CTNNA3: variants seen among roughly 807,000 people sequenced by gnomAD.
CTNNA3 encodes catenin alpha 3, also known as catenin alpha-3.
Under a neutral mutation model 95.7 loss-of-function variants are expected in CTNNA3, and 76 were observed. The observed-to-expected ratio is 0.79, with a 90% CI of 0.66 to 0.96. The LOEUF (loss-of-function observed/expected upper bound fraction) is 0.96. Among genes scored for constraint, CTNNA3 ranks in the 40% least tolerant of loss-of-function variants. The probability of loss-of-function intolerance (pLI) is 0.00; values close to 1 mark genes in which losing one functional copy is unlikely to be tolerated. For synonymous variants in CTNNA3, 431 were observed against 374.4 expected, an observed-to-expected ratio of 1.15 and a Z score of -1.74; for missense variants, 1,191 against 1,089.8, an observed-to-expected ratio of 1.09 and a Z score of -1.31.
At chr10:66,810,777 T>C (rs540915567) in intron 7 of CTNNA3, among the ~76,000 whole-genome samples, 2 of 152,286 alleles carry the variant, frequency 1.3e-5, no homozygotes, top group East Asian at 3.9e-4. Flanking sequence ...GCCCATGACC[T>C]CCATCCCATA....
chr10:66,442,663 A>T (rs1044571120), intron 11 of CTNNA3, among the ~76,000 whole-genome samples: 2 of 152,158 alleles, frequency 1.3e-5, no homozygotes, highest in Admixed American at 1.3e-4. Context: ...GACAACTAAA[A>T]TTAAACTTGT....
At chr10:66,415,015 A>G (rs7088844) in intron 11 of CTNNA3, among the ~76,000 whole-genome samples, 52,478 of 151,914 alleles carry the variant, frequency 0.35, 9,807 homozygotes, top group African/African-American at 0.48. Context: ...CATGCTCCCC[A>G]CCTGCTGTCC....
intron 1 of CTNNA3, among the ~76,000 whole-genome samples, chr10:67,749,095 GAACT>G (rs1385455483): frequency 6.6e-6 from 1 of 152,098 alleles, no homozygotes; most frequent in Admixed American, 6.6e-5. Flanking sequence ...TCAGTGAGAA[GAACT>G]AACAATTCTA....
chr10:66,536,094 T>G (rs140185948), intron 10 of CTNNA3, among the ~76,000 whole-genome samples: 1 of 150,626 alleles, frequency 6.6e-6, no homozygotes, highest in Non-Finnish European at 1.5e-5. Flanking sequence ...AGATTGTTGT[T>G]GAAACAGGGT....
chr10:67,378,972 TTTCAA>T (rs2132724583), intron 5 of CTNNA3, among the ~76,000 whole-genome samples: 1 of 152,296 alleles, frequency 6.6e-6, no homozygotes, highest in Non-Finnish European at 1.5e-5. Flanking sequence ...CATTTGTCAT[TTTCAA>T]TTGTCGTTTG....
At chr10:66,324,665 C>A (rs1417322871) in intron 12 of CTNNA3, among the ~76,000 whole-genome samples, 1 of 152,090 alleles carries the variant, frequency 6.6e-6, no homozygotes, top group Non-Finnish European at 1.5e-5. Context: ...AACAAGTGAG[C>A]CACAAACCTG....
chr10:66,805,219 C>A lies in CTNNA3; in HGVS notation c.1048-29695G>T, dbSNP rs140498603. Among the ~76,000 whole-genome samples the A allele has an allele frequency of 4.6e-4, 70 of 151,972 alleles. 1 individual carries two copies. Among genetic ancestry groups the A allele is most frequent in the African/African-American group, 1.6e-3 (65 of 41,486 alleles). On this transcript the variant is annotated intron_variant, in intron 7 of 17. Coordinates refer to ENST00000433211, the MANE Select transcript of CTNNA3 (RefSeq NM_013266.4). The stretch of plus-strand genomic sequence containing the variant: ...TAATCTTTGTCACTTTCATCTTTTC[C>A]CTTTGCTGAGTTTGCTTTGTGTCTC...
chr10:66,281,986 T>G (rs1332424683), intron 12 of CTNNA3, among the ~76,000 whole-genome samples: 1 of 151,888 alleles, frequency 6.6e-6, no homozygotes, highest in African/African-American at 2.4e-5. Context: ...TTAAATTCAT[T>G]AGCCTCAAAT....
rs572394209 is a variant in CTNNA3 at position 67,469,654 on chromosome 10, A to G, written c.579+52188T>C. Among the ~76,000 whole-genome samples the G allele has an allele frequency of 2.0e-4, 31 of 152,232 alleles. No homozygotes were observed. The East Asian group carries it at 6.0e-3, about 29-fold the overall frequency. On this transcript the variant is annotated intron_variant, in intron 5 of 17. Transcript: ENST00000433211. Reference sequence around the variant, plus strand: ...GTGATAGCATTAGGAGAAATACCTAATGTCAATGATGGGTTGATGGGTGCA... The same window carrying G: ...GTGATAGCATTAGGAGAAATACCTAGTGTCAATGATGGGTTGATGGGTGCA...
At chr10:66,520,245 CTTTTTTTTTTTTT>C (rs543882241) in intron 11 of CTNNA3, among the ~76,000 whole-genome samples, 1 of 78,012 alleles carries the variant, frequency 1.3e-5, no homozygotes, top group Non-Finnish European at 2.3e-5. Context: ...TAGTATTATT[CTTTTTTTTTTTTT>C]TTTTTTTTTT....
intron 7 of CTNNA3, among the ~76,000 whole-genome samples, chr10:67,036,094 AC>A (rs1417231102): frequency 2.0e-5 from 3 of 152,150 alleles, no homozygotes; most frequent in Non-Finnish European, 4.4e-5. Context: ...GAGATATTAG[AC>A]CTTAGTAGAG....
At chr10:66,379,418 T>A in intron 11 of CTNNA3, 66 bp from the exon 12 acceptor site, 7 of 1,272,916 alleles carry the variant, frequency 5.5e-6, no homozygotes, top group Non-Finnish European at 6.8e-6. Context: ...AAATCTAGCA[T>A]ATTATAATTA....
intron 5 of CTNNA3, among the ~76,000 whole-genome samples, chr10:67,332,761 A>G (rs1841845277): frequency 6.6e-6 from 1 of 152,178 alleles, no homozygotes; most frequent in African/African-American, 2.4e-5. Flanking sequence ...CACTCTCAAT[A>G]AGAAGGTATT....
intron 12 of CTNNA3, among the ~76,000 whole-genome samples, chr10:66,364,048 C>T (rs991887673): frequency 2.6e-5 from 4 of 151,980 alleles, no homozygotes; most frequent in African/African-American, 9.7e-5. Flanking sequence ...AATTATAATA[C>T]AGCTTTTGGT....
At chr10:67,447,352 G>A (rs1258496270) in intron 5 of CTNNA3, among the ~76,000 whole-genome samples, 2 of 152,174 alleles carry the variant, frequency 1.3e-5, no homozygotes, top group African/African-American at 4.8e-5. Flanking sequence ...TCAGTAGATT[G>A]CCTATGATAT....
Position 67,710,489 on chromosome 10 carries a change from G to A in CTNNA3, c.-2+52945C>T, listed in dbSNP as rs1053179699. Among the ~76,000 whole-genome samples, 5 of 152,292 alleles carry A rather than the reference G, an allele frequency of 3.3e-5. No homozygotes were observed. In the South Asian group the frequency reaches 6.2e-4, roughly 19 times the overall value. ...CCCAGGATTTTAGCCAAAAAGGGGA[G>A]AACGTCCCTTTTCTCTCTGAAGCTC... On this transcript the variant is annotated intron_variant, in intron 1 of 17. Coordinates refer to the CTNNA3 transcript ENST00000684154.
intron 10 of CTNNA3, among the ~76,000 whole-genome samples, chr10:66,578,827 A>G (rs117788067): frequency 0.027 from 3,892 of 145,946 alleles, 92 homozygotes; most frequent in South Asian, 0.058. Flanking sequence ...TCTCTGTCAC[A>G]TTTTGGTATC....
intron 5 of CTNNA3, among the ~76,000 whole-genome samples, chr10:67,439,755 T>C (rs1846429779): frequency 6.6e-6 from 1 of 152,036 alleles, no homozygotes; most frequent in African/African-American, 2.4e-5. Context: ...CCTGCTACCT[T>C]GAAGGGAAAG....
intron 13 of CTNNA3, among the ~76,000 whole-genome samples, chr10:66,262,714 G>T (rs749048323): frequency 1.3e-5 from 2 of 152,058 alleles, no homozygotes; most frequent in East Asian, 3.9e-4. Context: ...AGCTAGAGGG[G>T]TAGTGAGGCT....
Sources: allele counts gnomAD v4.1 joint callset (sites outside exome capture counted in the v4.1 genomes callset), GRCh38; gene constraint gnomAD v4.1.1; transcripts MANE v1.5; gene names NCBI Gene and HGNC (gene_info 2026-07-23, HGNC 2026-07-21).